The following DAB1 variants were observed in gnomAD, a reference collection of about 807,000 sequenced individuals.
DAB1 encodes DAB adaptor protein 1, also known as disabled homolog 1.
DAB1 carries 15 observed loss-of-function variants against 64.6 expected under a neutral mutation model. The ratio of observed to expected loss-of-function variants is 0.23; its 90% CI spans 0.16 to 0.36. The LOEUF (loss-of-function observed/expected upper bound fraction) is 0.36. Ranked by LOEUF, DAB1 falls within the 10% of genes least tolerant of loss-of-function variation. The pLI is 1.00. For missense variants in DAB1, 596 were observed against 706.7 expected (o/e 0.84, Z 1.78); for synonymous variants, 235 against 251.9 (o/e 0.93, Z 0.64).
At chr1:57,721,815 A>G (rs1570767908) in intron 6 of DAB1, among the ~76,000 whole-genome samples, 1 of 152,156 alleles carries the variant, frequency 6.6e-6, no homozygotes. Context: ...TTGTGGAAGG[A>G]GGGTAGAGTG....
intron 1 of DAB1, among the ~76,000 whole-genome samples, chr1:57,332,359 C>A (rs1406167629): frequency 1.3e-5 from 2 of 149,286 alleles, no homozygotes; most frequent in Admixed American, 6.7e-5. Context: ...GGATAGAGAC[C>A]CATCCTCACT....
chr1:57,658,257 C>T (rs1198101676), intron 6 of DAB1, among the ~76,000 whole-genome samples: 1 of 151,070 alleles, frequency 6.6e-6, no homozygotes, highest in Non-Finnish European at 1.5e-5. Context: ...CAGTGTCTAT[C>T]GTTTTTGAAT....
chr1:57,301,081 A>G (rs1673608870), intron 1 of DAB1, among the ~76,000 whole-genome samples: 1 of 152,092 alleles, frequency 6.6e-6, no homozygotes, highest in Admixed American at 6.5e-5. Context: ...GAGGTCCTAG[A>G]TAAATGAATC....
intron 4 of DAB1, among the ~76,000 whole-genome samples, chr1:57,127,722 C>T (rs1437418408): frequency 6.6e-6 from 1 of 152,148 alleles, no homozygotes; most frequent in Non-Finnish European, 1.5e-5. Context: ...GAGTCTTAGT[C>T]ACCTAATCTG....
At chr1:57,059,269 G>C (rs1650142909) in intron 9 of DAB1, among the ~76,000 whole-genome samples, 1 of 152,144 alleles carries the variant, frequency 6.6e-6, no homozygotes, top group Non-Finnish European at 1.5e-5. Flanking sequence ...GATGCAAAAA[G>C]CTGCTCAGGG....
At chr1:58,140,739 G>A (rs78507317) in intron 5 of DAB1, among the ~76,000 whole-genome samples, 1,670 of 152,236 alleles carry the variant, frequency 0.011, 54 homozygotes, top group East Asian at 0.11. Context: ...ACAGTCCTCG[G>A]GATGTATTTG....
chr1:57,400,324 T>C (rs1272192705), intron 1 of DAB1, among the ~76,000 whole-genome samples: 2 of 152,188 alleles, frequency 1.3e-5, no homozygotes, highest in East Asian at 1.9e-4. Flanking sequence ...TATGAAGTTG[T>C]TGCTATCTAA....
intron 4 of DAB1, among the ~76,000 whole-genome samples, chr1:57,078,731 T>C (rs1652212852): frequency 6.6e-6 from 1 of 152,194 alleles, no homozygotes; most frequent in Non-Finnish European, 1.5e-5. Context: ...GTTTTGTTAT[T>C]GGTGGAAGTG....
chr1:58,402,494 A>G (rs1644579955), intron 3 of DAB1, among the ~76,000 whole-genome samples: 1 of 152,222 alleles, frequency 6.6e-6, no homozygotes, highest in African/African-American at 2.4e-5. Context: ...ACACAGAGAG[A>G]AAAAGAAACA....
chr1:58,225,193 C>T (rs1456488903), intron 4 of DAB1, among the ~76,000 whole-genome samples: 6 of 151,806 alleles, frequency 4.0e-5, no homozygotes, highest in South Asian at 2.1e-4. Flanking sequence ...TTTATGCAGC[C>T]AAAAGACACA....
At chr1:58,373,765 C>T (rs964916174) in intron 3 of DAB1, among the ~76,000 whole-genome samples, 160 of 151,806 alleles carry the variant, frequency 1.1e-3, no homozygotes, top group African/African-American at 3.5e-3. Flanking sequence ...CTGACTTCCA[C>T]GATGGTTCAA....
intron 1 of DAB1, among the ~76,000 whole-genome samples, chr1:57,839,298 A>G (rs938077565): frequency 1.3e-5 from 2 of 152,192 alleles, no homozygotes; most frequent in African/African-American, 4.8e-5. Context: ...GCATTTCACT[A>G]AGTGACTTTG....
chr1:57,081,762 A>G (rs1652577655), intron 4 of DAB1, among the ~76,000 whole-genome samples: 1 of 152,156 alleles, frequency 6.6e-6, no homozygotes, highest in African/African-American at 2.4e-5. Context: ...AGTTTCATTG[A>G]CATGCAAGTG....
chr1:58,187,238 C>A (rs151315030), intron 4 of DAB1, among the ~76,000 whole-genome samples: 1 of 151,052 alleles, frequency 6.6e-6, no homozygotes, highest in Admixed American at 6.6e-5. Context: ...GCAGGAGGAT[C>A]GCTCAAAGCC....
At chr1:58,424,793 T>C (rs1036876433) in intron 3 of DAB1, among the ~76,000 whole-genome samples, 5 of 151,890 alleles carry the variant, frequency 3.3e-5, no homozygotes, top group Non-Finnish European at 7.4e-5. Flanking sequence ...AATAAAATAA[T>C]AGGGCTTGGG....
intron 5 of DAB1, among the ~76,000 whole-genome samples, chr1:57,994,689 T>A (rs78652288): frequency 6.6e-6 from 1 of 152,156 alleles, no homozygotes; most frequent in African/African-American, 2.4e-5. Context: ...GGCTTCAGGA[T>A]AGCATCCAAC....
intron 4 of DAB1, among the ~76,000 whole-genome samples, chr1:57,098,974 C>T (rs75089699): frequency 0.03 from 4,513 of 152,248 alleles, 220 homozygotes; most frequent in African/African-American, 0.1. Context: ...ACTGCTTACC[C>T]GCATGGACTG....
At position 58,523,886 on chromosome 1, in the gene DAB1, G is replaced by T. The variant is rs6663128; in HGVS notation, n.107+3375C>A. Among the ~76,000 whole-genome samples, 280 of 152,118 alleles carry T rather than the reference G, an allele frequency of 1.8e-3. 2 individuals carry two copies. The highest frequency in any genetic ancestry group is 6.4e-3 in the African/African-American group (264 of 41,480). On this transcript the variant is annotated intron_variant and non_coding_transcript_variant, in intron 2 of 20. Coordinates refer to the DAB1 transcript ENST00000485760. ...TGCACTCCAGCCTGGGTGACAGAGCGAGACTCCATCTCAAAAAAAGAAAAA... is the reference window on the plus strand; with the variant it reads ...TGCACTCCAGCCTGGGTGACAGAGCTAGACTCCATCTCAAAAAAAGAAAAA...
intron 6 of DAB1, among the ~76,000 whole-genome samples, chr1:57,742,269 G>A (rs991449029): frequency 2.2e-4 from 34 of 152,232 alleles, no homozygotes; most frequent in African/African-American, 7.7e-4. Flanking sequence ...CAAGGCGCAG[G>A]CAGCAGCAGA....
Sources: allele counts gnomAD v4.1 joint callset (sites outside exome capture counted in the v4.1 genomes callset), GRCh38; gene constraint gnomAD v4.1.1; transcripts MANE v1.5; gene names NCBI Gene and HGNC (gene_info 2026-07-23, HGNC 2026-07-21).